ROBO2: variants seen among roughly 807,000 people sequenced by gnomAD.
ROBO2 encodes the protein roundabout homolog 2.
In ROBO2, 53 loss-of-function variants were observed where a neutral mutation model predicts 160.8. The ratio of observed to expected loss-of-function variants is 0.33; its 90% CI spans 0.26 to 0.41. ROBO2 has a LOEUF of 0.41. Ranked by LOEUF, ROBO2 falls within the 10% of genes least tolerant of loss-of-function variation. The probability of loss-of-function intolerance (pLI) is 1.00; values close to 1 mark genes in which losing one functional copy is unlikely to be tolerated. For missense variants in ROBO2, 1,577 were observed against 1,722.4 expected, an observed-to-expected ratio of 0.92 and a Z score of 1.49; for synonymous variants, 664 against 611.7, an observed-to-expected ratio of 1.09 and a Z score of -1.26.
chr3:77,408,655 T>G (rs1379989767), intron 2 of ROBO2, among the ~76,000 whole-genome samples: 1 of 152,176 alleles, frequency 6.6e-6, no homozygotes. Context: ...TCCCAATTGC[T>G]ATCAAAATTT....
chr3:77,269,296 G>T (rs1299717723), intron 2 of ROBO2, among the ~76,000 whole-genome samples: 1 of 152,090 alleles, frequency 6.6e-6, no homozygotes, highest in East Asian at 1.9e-4. Flanking sequence ...ATACAGAAAA[G>T]AAGAAGTCAT....
rs149574865 is a variant in ROBO2 at position 76,233,714 on chromosome 3, A to G, written c.109+296112A>G. On this transcript the variant is annotated intron_variant, in intron 2 of 26. Coordinates refer to the ROBO2 transcript ENST00000487694. ...TCTTCATGCCCGGACTTATCCTCCA[A>G]TCTATTTCAATTTGATGTCTTGTCT... 1.8e-3 allele frequency among the ~76,000 whole-genome samples: 277 copies of G among 152,292 alleles called. 2 individuals carry two copies. Among genetic ancestry groups the G allele is most frequent in the African/African-American group, 6.1e-3 (252 of 41,570 alleles).
intron 2 of ROBO2, among the ~76,000 whole-genome samples, chr3:77,461,094 C>T (rs563200874): frequency 6.6e-6 from 1 of 151,838 alleles, no homozygotes; most frequent in South Asian, 2.1e-4. Flanking sequence ...TTGAAAAAAA[C>T]AACAACAACT....
intron 2 of ROBO2, among the ~76,000 whole-genome samples, chr3:76,195,364 A>G (rs938757385): frequency 5.3e-5 from 8 of 152,208 alleles, no homozygotes; most frequent in Non-Finnish European, 7.3e-5. Flanking sequence ...ATCACCTGAC[A>G]TTTTAACAAA....
chr3:76,726,454 C>T (rs1484305972), intron 2 of ROBO2, among the ~76,000 whole-genome samples: 1 of 152,190 alleles, frequency 6.6e-6, no homozygotes, highest in East Asian at 1.9e-4. Context: ...TAGTGATCCT[C>T]TATGAAGTTT....
intron 2 of ROBO2, among the ~76,000 whole-genome samples, chr3:76,039,504 T>C (rs1047407164): frequency 7.9e-5 from 12 of 151,972 alleles, no homozygotes; most frequent in African/African-American, 2.7e-4. Context: ...TTCCTTTTTT[T>C]CTACTCTCTT....
In ROBO2 at chr3:76,367,383, A is replaced by AT. The variant is rs199690771; in HGVS notation, c.109+429790dup. 6.0e-3 allele frequency among the ~76,000 whole-genome samples: 905 copies of AT among 151,156 alleles called. 6 individuals carry two copies. Among genetic ancestry groups the AT allele is most frequent in the African/African-American group, 0.021 (852 of 41,270 alleles). On this transcript the variant is annotated intron_variant, in intron 2 of 26. Coordinates refer to the ROBO2 transcript ENST00000487694. ...ACTTGAAAATGAAGATACAGACTCT[A>AT]TTTTTTTTTCTTAATGGCTTTTCCC...
At position 75,989,237 on chromosome 3, in the gene ROBO2, C is replaced by G. The variant is rs951991967; in HGVS notation, c.109+51635C>G. Among the ~76,000 whole-genome samples, 4 of 152,110 alleles carry G rather than the reference C, an allele frequency of 2.6e-5. No individual in the cohort carries two copies. In the South Asian group the frequency reaches 8.3e-4, roughly 31 times the overall value. The stretch of plus-strand genomic sequence containing the variant: ...GGTTCAAGCAATTCTCCTGCCTCAG[C>G]CTCCCAAGTAGCTGGGACTACAGGA... On this transcript the variant is annotated intron_variant, in intron 2 of 26. Coordinates refer to the ROBO2 transcript ENST00000487694.
chr3:76,110,417 A>G (rs1472651345), intron 2 of ROBO2, among the ~76,000 whole-genome samples: 5 of 152,100 alleles, frequency 3.3e-5, no homozygotes, highest in African/African-American at 9.7e-5. Flanking sequence ...TAGAATCCAT[A>G]TGCTTAATAA....
chr3:76,286,260 A>C (rs2107685775), intron 2 of ROBO2, among the ~76,000 whole-genome samples: 1 of 152,284 alleles, frequency 6.6e-6, no homozygotes, highest in East Asian at 1.9e-4. Context: ...TTTGCTTGGC[A>C]GAGACAGGAT....
intron 2 of ROBO2, among the ~76,000 whole-genome samples, chr3:76,171,781 A>G (rs143911995): frequency 6.6e-6 from 1 of 152,104 alleles, no homozygotes. Context: ...TCTTTCTCTC[A>G]TCTTATTGCT....
chr3:76,606,484 T>A (rs2087667140), intron 2 of ROBO2, among the ~76,000 whole-genome samples: 1 of 152,192 alleles, frequency 6.6e-6, no homozygotes, highest in Non-Finnish European at 1.5e-5. Context: ...AGCCTTTTGA[T>A]AAAAGAAGGG....
At chr3:76,639,729 T>C (rs1415886024) in intron 2 of ROBO2, among the ~76,000 whole-genome samples, 3 of 152,184 alleles carry the variant, frequency 2.0e-5, no homozygotes. Context: ...ATGATGCTCT[T>C]CCGCTGACAC....
In ROBO2 at chr3:76,851,764, A is replaced by T. The variant is rs867158428; in HGVS notation, c.110-246250A>T. On this transcript the variant is annotated intron_variant, in intron 2 of 26. Coordinates refer to the ROBO2 transcript ENST00000487694. ...CTCAAAAAAAAAAAAAAAAAAAAAA[A>T]ATATTAACATGTGCTTGAATATAGT... Among the ~76,000 whole-genome samples the T allele has an allele frequency of 9.4e-3, 1,295 of 137,080 alleles. 55 individuals are homozygous for T. Among genetic ancestry groups the T allele is most frequent in the African/African-American group, 0.036 (1,249 of 34,476 alleles). 89.9% of individuals were successfully genotyped at this position (137,080 alleles called of 152,430 possible).
chr3:76,542,447 C>G (rs2082871669), intron 2 of ROBO2, among the ~76,000 whole-genome samples: 1 of 152,104 alleles, frequency 6.6e-6, no homozygotes, highest in African/African-American at 2.4e-5. Flanking sequence ...AGATTGGTCA[C>G]TTAATACCAG....
intron 2 of ROBO2, among the ~76,000 whole-genome samples, chr3:76,155,790 A>G (rs2106880520): frequency 6.6e-6 from 1 of 152,334 alleles, no homozygotes; most frequent in South Asian, 2.1e-4. Context: ...TGTAAAGAAT[A>G]TCTGTAATCC....
At chr3:76,129,197 T>C (rs939880490) in intron 2 of ROBO2, among the ~76,000 whole-genome samples, 1 of 152,076 alleles carries the variant, frequency 6.6e-6, no homozygotes, top group African/African-American at 2.4e-5. Context: ...GACCAAAGCC[T>C]CTGTTTGAGT....
chr3:76,421,015 A>G (rs886459897), intron 2 of ROBO2, among the ~76,000 whole-genome samples: 2 of 152,218 alleles, frequency 1.3e-5, no homozygotes, highest in Non-Finnish European at 1.5e-5. Context: ...ATTTAATAGG[A>G]CTTATCAGCA....
intron 2 of ROBO2, among the ~76,000 whole-genome samples, chr3:76,691,532 T>C (rs1385684510): frequency 6.6e-6 from 1 of 152,034 alleles, no homozygotes; most frequent in Non-Finnish European, 1.5e-5. Flanking sequence ...AAAAAAATGA[T>C]AATTGGGAAT....
Sources: allele counts gnomAD v4.1 joint callset (sites outside exome capture counted in the v4.1 genomes callset), GRCh38; gene constraint gnomAD v4.1.1; transcripts MANE v1.5; gene names NCBI Gene and HGNC (gene_info 2026-07-23, HGNC 2026-07-21).